CALN1: variants seen among roughly 807,000 people sequenced by gnomAD.
CALN1 encodes calcium-binding protein 8.
Under a neutral mutation model 30.6 loss-of-function variants are expected in CALN1, and 17 were observed. That is an observed-to-expected ratio of 0.56 (90% CI 0.38 to 0.83). The LOEUF (loss-of-function observed/expected upper bound fraction) is 0.83. Among genes scored for constraint, CALN1 ranks in the 40% least tolerant of loss-of-function variants. CALN1 has a pLI of 0.00. For missense variants in CALN1, 291 were observed against 354.9 expected (o/e 0.82, Z 1.45); for synonymous variants, 156 against 131.4 (o/e 1.19, Z -1.28).
intron 5 of CALN1, among the ~76,000 whole-genome samples, chr7:71,960,761 C>T (rs1797209858): frequency 6.6e-6 from 1 of 152,128 alleles, no homozygotes; most frequent in African/African-American, 2.4e-5. Flanking sequence ...TACCTCCATG[C>T]AGGTGCAAAC....
At chr7:72,057,149 G>GT (rs1400612202) in intron 4 of CALN1, among the ~76,000 whole-genome samples, 2 of 151,902 alleles carry the variant, frequency 1.3e-5, no homozygotes, top group Non-Finnish European at 2.9e-5. Context: ...GTCTCACCAT[G>GT]TTGCCCAGAC....
At chr7:72,417,529 A>G (rs1807461236) in intron 1 of CALN1, among the ~76,000 whole-genome samples, 1 of 152,260 alleles carries the variant, frequency 6.6e-6, no homozygotes, top group Non-Finnish European at 1.5e-5. Context: ...CTTGGTTACC[A>G]GCCAGCATGC....
At chr7:72,146,103 C>T (rs535327088) in intron 3 of CALN1, among the ~76,000 whole-genome samples, 2,063 of 152,082 alleles carry the variant, frequency 0.014, 47 homozygotes, top group African/African-American at 0.045. Context: ...TTCAACATAG[C>T]GTTGGAAGTT....
intron 3 of CALN1, among the ~76,000 whole-genome samples, chr7:72,159,363 T>C (rs1030649588): frequency 6.6e-6 from 1 of 152,096 alleles, no homozygotes; most frequent in Non-Finnish European, 1.5e-5. Context: ...TAGCCAGGCA[T>C]GTGGTGTGTG....
At chr7:72,431,085 A>C (rs570207895) in intron 1 of CALN1, among the ~76,000 whole-genome samples, 38 of 147,138 alleles carry the variant, frequency 2.6e-4, no homozygotes, top group Non-Finnish European at 4.0e-4. Flanking sequence ...CTGTGCCACC[A>C]CACCCGGCTA....
intron 2 of CALN1, among the ~76,000 whole-genome samples, chr7:72,398,000 A>G (rs10268535): frequency 0.51 from 76,713 of 151,826 alleles, 19,813 homozygotes; most frequent in East Asian, 0.72. Context: ...TGAGTTCGGC[A>G]CCACTGAAGT....
At chr7:72,468,604 CT>C in the CALN1 span, among the ~76,000 whole-genome samples, 1 of 152,182 alleles carries the variant, frequency 6.6e-6, no homozygotes, top group Non-Finnish European at 1.5e-5. Context: ...ATGAACCACC[CT>C]GCCTGGCCTG....
At chr7:71,802,234 A>G (rs1378932829) in intron 6 of CALN1, among the ~76,000 whole-genome samples, 1 of 152,176 alleles carries the variant, frequency 6.6e-6, no homozygotes, top group Non-Finnish European at 1.5e-5. Flanking sequence ...TTCAACCACA[A>G]AGACCACTGA....
chr7:71,971,989 G>GAAAGAAAGAAAGAAAGAAAA (rs1797858287), intron 5 of CALN1, among the ~76,000 whole-genome samples: 1 of 96,996 alleles, frequency 1.0e-5, no homozygotes, highest in Non-Finnish European at 2.3e-5. Context: ...AAGAAAGAAA[G>GAAAGAAAGAAAGAAAGAAAA]AAAGAGAAAG....
At chr7:72,436,752 G>C (rs1808172209) in intron 1 of CALN1, among the ~76,000 whole-genome samples, 1 of 152,098 alleles carries the variant, frequency 6.6e-6, no homozygotes, top group Admixed American at 6.5e-5. Flanking sequence ...CAAACAAGCA[G>C]CCTCAGCATC....
At chr7:71,792,944 A>G (rs1314520425) in intron 6 of CALN1, among the ~76,000 whole-genome samples, 1 of 151,868 alleles carries the variant, frequency 6.6e-6, no homozygotes, top group Non-Finnish European at 1.5e-5. Flanking sequence ...AATCCATCCA[A>G]GCAGTAGGAA....
rs564424954 is a variant in CALN1, at chr7:72,025,955, T to C, written c.389-2186A>G. ...AATTTCCTAAAGGATTAGGGAGGCG[T>C]GGCAAGTCAATGGGAAAGGGAGGAT... is the stretch of plus-strand genomic sequence containing the variant. On this transcript the variant is annotated intron_variant, in intron 4 of 6. Coordinates refer to ENST00000395275, the MANE Select transcript of CALN1 (RefSeq NM_031468.4). 6.6e-5 allele frequency among the ~76,000 whole-genome samples: 10 copies of C among 152,166 alleles called. No individual in the cohort carries two copies. The South Asian group carries it at 2.1e-3, about 32-fold the overall frequency.
At chr7:71,830,807 A>C (rs891822573) in intron 5 of CALN1, among the ~76,000 whole-genome samples, 3 of 152,216 alleles carry the variant, frequency 2.0e-5, no homozygotes, top group Non-Finnish European at 4.4e-5. Context: ...TGTTTACAAC[A>C]TGTGGTTGTT....
Position 72,280,112 on chromosome 7 carries a change from T to A in CALN1, c.120-1302A>T, listed in dbSNP as rs536466279. Among the ~76,000 whole-genome samples, 81 of 152,352 alleles carry A rather than the reference T, an allele frequency of 5.3e-4. No homozygotes were observed. The South Asian group carries it at 0.011, about 20-fold the overall frequency. On this transcript the variant is annotated intron_variant, in intron 2 of 6. Transcript: ENST00000395275. ...TAAGTGCCAGACATTTCCACCCGGATGTCAAACCCTCATTTCAAACTCAAA... is the reference window on the plus strand; with the variant it reads ...TAAGTGCCAGACATTTCCACCCGGAAGTCAAACCCTCATTTCAAACTCAAA...
At chr7:72,071,256 A>G (rs79398032) in intron 4 of CALN1, among the ~76,000 whole-genome samples, 3,452 of 152,184 alleles carry the variant, frequency 0.023, 127 homozygotes, top group African/African-American at 0.078. Flanking sequence ...CTGTCCTCCA[A>G]ATATAGGGGT....
intron 3 of CALN1, among the ~76,000 whole-genome samples, chr7:72,193,494 A>G (rs1427600468): frequency 2.0e-5 from 3 of 152,218 alleles, no homozygotes; most frequent in Admixed American, 6.5e-5. Flanking sequence ...TTGGGGACAC[A>G]TCCTGAGAAA....
intron 2 of CALN1, among the ~76,000 whole-genome samples, chr7:72,317,553 G>C (rs1298716705): frequency 6.6e-6 from 1 of 152,330 alleles, no homozygotes; most frequent in Non-Finnish European, 1.5e-5. Context: ...GGTAGGATGG[G>C]ACAGCTGGGC....
At chr7:71,975,117 G>C (rs1385481410) in intron 5 of CALN1, among the ~76,000 whole-genome samples, 1 of 152,078 alleles carries the variant, frequency 6.6e-6, no homozygotes, top group African/African-American at 2.4e-5. Flanking sequence ...GCTGTGCAGG[G>C]ACAGATACTC....
At chr7:71,843,699 T>C (rs10950281) in intron 5 of CALN1, among the ~76,000 whole-genome samples, 55,507 of 151,970 alleles carry the variant, frequency 0.37, 10,333 homozygotes, top group Middle Eastern at 0.53. Flanking sequence ...AGTTTCCTCA[T>C]TTGTAAAATG....
Sources: allele counts gnomAD v4.1 joint callset (sites outside exome capture counted in the v4.1 genomes callset), GRCh38; gene constraint gnomAD v4.1.1; transcripts MANE v1.5; gene names NCBI Gene and HGNC (gene_info 2026-07-23, HGNC 2026-07-21).